Variants in MYO7A observed in about 807,000 individuals in gnomAD.
The protein encoded by MYO7A is unconventional myosin-VIIa.
Under a neutral mutation model 263.8 loss-of-function variants are expected in MYO7A, and 210 were observed. The ratio of observed to expected loss-of-function variants is 0.80; its 90% CI spans 0.71 to 0.89. MYO7A has a LOEUF of 0.89. Ranked by LOEUF, MYO7A falls within the 40% of genes least tolerant of loss-of-function variation. The pLI is 0.00. For synonymous variants in MYO7A, 1,239 were observed against 1,197.3 expected (o/e 1.03, Z -0.72); for missense variants, 2,820 against 2,968.3 (o/e 0.95, Z 1.16).
intron 18 of MYO7A, among the ~76,000 whole-genome samples, chr11:77,175,669 T>C (rs1954589638): frequency 6.6e-6 from 1 of 151,746 alleles, no homozygotes; most frequent in Non-Finnish European, 1.5e-5. Flanking sequence ...AACCTGGGAG[T>C]GGGGTCAGAG....
Position 77,194,125 on chromosome 11 carries a change from G to A in MYO7A, c.4153-229G>A, listed in dbSNP as rs1159676901. On this transcript the variant is annotated intron_variant, in intron 31 of 48. Transcript: ENST00000409709. ...AGAGTCCAGCTCCATGCCAGTGCCA[G>A]AGGGATCCAGGAGAAGGTGAGGGTG... The A allele has an allele frequency of 5.8e-6, 4 of 693,520 alleles. No homozygotes were observed. In the African/African-American group the frequency reaches 7.0e-5, roughly 12 times the overall value. The allele number at this position is 693,520 out of a possible 1,614,324, so 43.0% of individuals were successfully genotyped here. A position where few individuals can be genotyped will look rare whatever the true frequency, so the allele number is the denominator to read the frequency against.
rs1170510043 is a variant in MYO7A, at chr11:77,192,171, G to A, written c.4045G>A (p.Glu1349Lys). 2 of 1,613,938 alleles carry A rather than the reference G, an allele frequency of 1.2e-6. No homozygotes were observed. The change falls in exon 31 of 49, where the codon GAG becomes AAG. Residue 1349 changes from glutamate (E) to lysine (K), a missense_variant. Glu to Lys is a moderately conservative substitution (Grantham distance 56). Transcript: ENST00000409709. ...NAPWRLFFRK[E>K]VFTPWHSPSE... The stretch of plus-strand genomic sequence containing the variant: ...CCCCTGGAGGCTCTTCTTCCGCAAA[G>A]AGGTCTTCACGCCCTGGCACAGCCC...
chr11:77,154,258 G>A (rs1280891497), intron 4 of MYO7A, among the ~76,000 whole-genome samples: 3 of 152,216 alleles, frequency 2.0e-5, no homozygotes, highest in Non-Finnish European at 2.9e-5. Context: ...CCAAAGGGAT[G>A]TTCTTTGGGG....
intron 24 of MYO7A, 95 bp from the exon 25 acceptor site, chr11:77,182,326 AGGG>A: frequency 1.4e-6 from 2 of 1,451,956 alleles, no homozygotes; most frequent in South Asian, 2.7e-5. Context: ...ACCATGCGGG[AGGG>A]GGTGTCTCCA....
At chr11:77,173,948 C>T (rs917465446) in intron 16 of MYO7A, among the ~76,000 whole-genome samples, 7 of 151,996 alleles carry the variant, frequency 4.6e-5, no homozygotes, top group African/African-American at 1.2e-4. Context: ...ACCCTTCCCT[C>T]GGCCCAGTCC....
chr11:77,157,270 C>A lies in MYO7A; in HGVS notation c.736-9C>A. On this transcript the variant is annotated splice_polypyrimidine_tract_variant and intron_variant, in intron 7 of 48. Coordinates refer to ENST00000409709, the MANE Select transcript of MYO7A (RefSeq NM_000260.4). ...CCCCTGGCCCCCAGCACTGTGCCCA[C>A]ATTTTCAGGCCCTGGATGAAAGGAA... is the stretch of plus-strand genomic sequence containing the variant. 6.2e-7 allele frequency: 1 copy of A among 1,601,166 alleles called. No individual in the cohort carries two copies. The highest frequency in any genetic ancestry group is 1.3e-5 in the African/African-American group (1 of 74,688).
chr11:77,168,002 T>G (rs1203131080), intron 15 of MYO7A, among the ~76,000 whole-genome samples: 1 of 152,210 alleles, frequency 6.6e-6, no homozygotes, highest in African/African-American at 2.4e-5. Context: ...CCGAAAGCCC[T>G]GTGCTGTAAG....
intron 8 of MYO7A, 130 bp from the exon 9 acceptor site, chr11:77,158,147 C>A: frequency 2.1e-6 from 2 of 962,028 alleles, no homozygotes; most frequent in Non-Finnish European, 2.9e-6. Flanking sequence ...CGGGTGAGGT[C>A]AGCGCCTGGG....
chr11:77,203,019 C>CCG, intron 37 of MYO7A, 41 bp from the exon 38 acceptor site: 1 of 1,539,418 alleles, frequency 6.5e-7, no homozygotes. Flanking sequence ...CCCGGGGCTG[C>CCG]CAGCGATGGG....
In MYO7A at chr11:77,192,081, G is replaced by A. The variant is rs200483708; in HGVS notation, c.3955G>A (p.Val1319Ile). ...VSSLGSGSDHVMDAISQCEQY... is the reference protein window; with the variant it reads ...VSSLGSGSDHIMDAISQCEQY... Reference sequence around the variant, plus strand: ...CTCCCTGGGCAGCGGCAGTGACCACGTCATGGACGCCATCTCCCAGTGCGA... The same window carrying A: ...CTCCCTGGGCAGCGGCAGTGACCACATCATGGACGCCATCTCCCAGTGCGA... Residue 1319 changes from valine (V) to isoleucine (I), a missense_variant, in exon 31 of 49, where the codon GTC becomes ATC. Val to Ile is a conservative substitution (Grantham distance 29). Transcript: ENST00000409709. The A allele has an allele frequency of 8.0e-5, 129 of 1,613,738 alleles. No homozygotes were observed. The highest frequency in any genetic ancestry group is 5.6e-4 in the African/African-American group (42 of 75,080).
intron 2 of MYO7A, among the ~76,000 whole-genome samples, chr11:77,136,915 G>C (rs1159494657): frequency 6.6e-6 from 1 of 152,088 alleles, no homozygotes; most frequent in Admixed American, 6.6e-5. Context: ...TCTGTGCCTG[G>C]GTCTGTCCAC....
At chr11:77,190,903 G>A in intron 30 of MYO7A, 33 bp downstream of exon 30, 4 of 1,521,974 alleles carry the variant, frequency 2.6e-6, no homozygotes, top group Non-Finnish European at 3.5e-6. Context: ...CCTCCCGGAA[G>A]CACCTCCTCC....
intron 26 of MYO7A, among the ~76,000 whole-genome samples, chr11:77,183,467 C>G (rs916669274): frequency 6.6e-6 from 1 of 152,210 alleles, no homozygotes; most frequent in Non-Finnish European, 1.5e-5. Flanking sequence ...GGCACAGACC[C>G]GAGGCACTTG....
At position 77,201,389 on chromosome 11, in the gene MYO7A, A is replaced by T. The variant is rs1957050341; in HGVS notation, c.4853-59A>T. On this transcript the variant is annotated intron_variant, in intron 35 of 48. Transcript: ENST00000409709. ...GATAACACCTCAGTTCTTCTGTGGG[A>T]AGATGTTCCAACTCAGCCTGTCTCT... 54 of 1,523,224 alleles carry T rather than the reference A, an allele frequency of 3.5e-5. No homozygotes were observed. The South Asian group carries it at 5.4e-4, about 15-fold the overall frequency. 94.4% of individuals were successfully genotyped at this position (1,523,224 alleles called of 1,614,324 possible). A position where few individuals can be genotyped will look rare whatever the true frequency, so the allele number is the denominator to read the frequency against.
rs781958107 is a variant in MYO7A at position 77,189,423 on chromosome 11, G to T, written c.3583G>T (p.Val1195Leu). The change falls in exon 28 of 49, where the codon GTG becomes TTG. Residue 1195 changes from valine to leucine, a missense_variant. Physicochemically the swap from Val to Leu is conservative, Grantham distance 32. Transcript: ENST00000409709. The part of the protein sequence containing the change: ...KSSYARGWIL[V>L]SLCVGCFAPS... ...CAGCTATGCCCGGGGCTGGATTCTCGTGTCTCTCTGCGTGGGCTGTTTCGC... is the reference window on the plus strand; with the variant it reads ...CAGCTATGCCCGGGGCTGGATTCTCTTGTCTCTCTGCGTGGGCTGTTTCGC... The T allele has an allele frequency of 4.3e-6, 7 of 1,613,768 alleles. No individual in the cohort carries two copies. Among genetic ancestry groups the T allele is most frequent in the Non-Finnish European group, 5.9e-6 (7 of 1,179,890 alleles).
At chr11:77,152,701 G>A (rs1952079817) in intron 4 of MYO7A, among the ~76,000 whole-genome samples, 1 of 152,050 alleles carries the variant, frequency 6.6e-6, no homozygotes, top group African/African-American at 2.4e-5. Flanking sequence ...GCCGTGCATG[G>A]TGCCAGGCCC....
chr11:77,173,942 T>C (rs1253799482), intron 16 of MYO7A, among the ~76,000 whole-genome samples: 4 of 151,930 alleles, frequency 2.6e-5, no homozygotes, highest in African/African-American at 9.7e-5. Context: ...AGTGGGACCC[T>C]TCCCTCGGCC....
intron 46 of MYO7A, chr11:77,212,712 G>A: frequency 1.7e-6 from 1 of 575,578 alleles, no homozygotes; most frequent in Non-Finnish European, 3.1e-6. Flanking sequence ...AAAGATGGGA[G>A]GCCCTTGGGC....
intron 36 of MYO7A, 21 bp from the exon 37 acceptor site, chr11:77,202,279 C>G: frequency 6.4e-6 from 10 of 1,571,664 alleles, no homozygotes; most frequent in Non-Finnish European, 8.6e-6. Context: ...TGACCTGAGC[C>G]CCCTGTCTCT....
Sources: allele counts gnomAD v4.1 joint callset (sites outside exome capture counted in the v4.1 genomes callset), GRCh38; gene constraint gnomAD v4.1.1; transcripts MANE v1.5; gene names NCBI Gene and HGNC (gene_info 2026-07-23, HGNC 2026-07-21).